FBXL7: variants seen among roughly 807,000 people sequenced by gnomAD.
The protein encoded by FBXL7 is F-box and leucine rich repeat protein 7, also known as F-box/LRR-repeat protein 7.
FBXL7 carries 12 observed loss-of-function variants against 38.3 expected under a neutral mutation model. That is an observed-to-expected ratio of 0.31 (90% CI 0.20 to 0.51). The LOEUF is 0.51. Ranked by LOEUF, FBXL7 falls within the 20% of genes least tolerant of loss-of-function variation. FBXL7 has a pLI of 0.98. For synonymous variants in FBXL7, 297 were observed against 300.9 expected (o/e 0.99, Z 0.13); for missense variants, 567 against 676.4 (o/e 0.84, Z 1.79).
At chr5:15,712,468 T>C (rs570154495) in intron 2 of FBXL7, among the ~76,000 whole-genome samples, 2 of 152,184 alleles carry the variant, frequency 1.3e-5, no homozygotes, top group South Asian at 4.1e-4. Flanking sequence ...GAAGTAGCCC[T>C]AAAAACCTGG....
At chr5:15,789,601 G>C (rs1737221663) in intron 2 of FBXL7, among the ~76,000 whole-genome samples, 1 of 152,166 alleles carries the variant, frequency 6.6e-6, no homozygotes, top group Admixed American at 6.5e-5. Flanking sequence ...ACTCTACCTT[G>C]AGATCACAGC....
chr5:15,727,754 A>G (rs1370350044), intron 2 of FBXL7, among the ~76,000 whole-genome samples: 3 of 152,102 alleles, frequency 2.0e-5, no homozygotes, highest in Admixed American at 6.5e-5. Context: ...ATTTATATTC[A>G]TGTCTTTCAT....
intron 2 of FBXL7, among the ~76,000 whole-genome samples, chr5:15,785,068 TTCTG>T (rs1361837765): frequency 1.3e-5 from 2 of 152,200 alleles, no homozygotes; most frequent in South Asian, 2.1e-4. Context: ...TGAGCCAAAC[TTCTG>T]TCTAACTAGC....
intron 2 of FBXL7, among the ~76,000 whole-genome samples, chr5:15,667,458 T>A (rs907203135): frequency 6.6e-6 from 1 of 152,218 alleles, no homozygotes; most frequent in Non-Finnish European, 1.5e-5. Flanking sequence ...AGGAATACTA[T>A]GCTTGATAAA....
At chr5:15,875,063 G>T (rs1243921185) in intron 2 of FBXL7, among the ~76,000 whole-genome samples, 2 of 152,058 alleles carry the variant, frequency 1.3e-5, no homozygotes, top group African/African-American at 4.8e-5. Flanking sequence ...TACCAAAACA[G>T]ATATATAGAC....
intron 2 of FBXL7, among the ~76,000 whole-genome samples, chr5:15,775,706 A>T (rs1288748193): frequency 6.6e-6 from 1 of 152,178 alleles, no homozygotes; most frequent in Non-Finnish European, 1.5e-5. Context: ...ATGAGGCATG[A>T]GAATGGAATA....
intron 1 of FBXL7, among the ~76,000 whole-genome samples, chr5:15,589,265 T>C (rs564396147): frequency 1.3e-5 from 2 of 152,292 alleles, no homozygotes; most frequent in Admixed American, 6.5e-5. Context: ...CCAAATCTCA[T>C]GTTGATTTGT....
intron 2 of FBXL7, among the ~76,000 whole-genome samples, chr5:15,736,262 CTTAG>C (rs1276708941): frequency 6.6e-6 from 1 of 152,132 alleles, no homozygotes; most frequent in African/African-American, 2.4e-5. Context: ...ACCTTTACAA[CTTAG>C]TTAATTAAAT....
At chr5:15,544,126 G>A (rs770327095) in intron 1 of FBXL7, among the ~76,000 whole-genome samples, 40 of 152,346 alleles carry the variant, frequency 2.6e-4, no homozygotes, top group Middle Eastern at 3.4e-3. Context: ...ACACATTGCC[G>A]ATGGGGTAGC....
chr5:15,724,904 C>A lies in FBXL7; in HGVS notation c.127+108832C>A, dbSNP rs181584141. On this transcript the variant is annotated intron_variant, in intron 2 of 3. Transcript: ENST00000504595. ...GGTCATACAGGCTCTGTAGCGATTA[C>A]TGTGTTGAGTATTGTGACAGCAGCC... is the stretch of plus-strand genomic sequence containing the variant. Among the ~76,000 whole-genome samples, 3 of 152,236 alleles carry A rather than the reference C, an allele frequency of 2.0e-5. No individual in the cohort carries two copies. In the East Asian group the frequency reaches 5.8e-4, roughly 29 times the overall value.
At chr5:15,848,916 G>C (rs1739010373) in intron 2 of FBXL7, among the ~76,000 whole-genome samples, 1 of 152,206 alleles carries the variant, frequency 6.6e-6, no homozygotes, top group Non-Finnish European at 1.5e-5. Context: ...CAAAGCCCGA[G>C]TGAATGTTTT....
intron 1 of FBXL7, among the ~76,000 whole-genome samples, chr5:15,583,327 G>A (rs1226603185): frequency 1.3e-5 from 2 of 152,126 alleles, no homozygotes; most frequent in East Asian, 3.9e-4. Flanking sequence ...TCTGCTCCTG[G>A]CCCCTCCCAA....
At chr5:15,736,423 T>G (rs1351903671) in intron 2 of FBXL7, among the ~76,000 whole-genome samples, 6 of 152,200 alleles carry the variant, frequency 3.9e-5, no homozygotes, top group Non-Finnish European at 8.8e-5. Context: ...ATGGTGGCCC[T>G]TAAGTTCTCA....
chr5:15,846,783 T>C (rs1380671266), intron 2 of FBXL7, among the ~76,000 whole-genome samples: 1 of 152,244 alleles, frequency 6.6e-6, no homozygotes, highest in Non-Finnish European at 1.5e-5. Context: ...GGTTGTCATC[T>C]GTTATATACA....
intron 2 of FBXL7, among the ~76,000 whole-genome samples, chr5:15,879,059 T>A (rs1006399176): frequency 6.6e-6 from 1 of 152,180 alleles, no homozygotes; most frequent in East Asian, 1.9e-4. Flanking sequence ...GGGTAACAAT[T>A]TCACTTGTTT....
chr5:15,535,354 G>T (rs756128162), intron 1 of FBXL7, among the ~76,000 whole-genome samples: 82 of 152,242 alleles, frequency 5.4e-4, no homozygotes, highest in South Asian at 6.2e-4. Context: ...CTCAGAAGAA[G>T]ACAGGAACGT....
chr5:15,745,252 ATGAG>A (rs1229811945), intron 2 of FBXL7, among the ~76,000 whole-genome samples: 1 of 152,174 alleles, frequency 6.6e-6, no homozygotes. Flanking sequence ...AAATGAATGA[ATGAG>A]TGATAATCCT....
chr5:15,620,918 A>G (rs924822872), intron 2 of FBXL7, among the ~76,000 whole-genome samples: 4 of 152,116 alleles, frequency 2.6e-5, no homozygotes, highest in Admixed American at 1.3e-4. Context: ...CTAGCACCCA[A>G]CCCTAATGGT....
intron 2 of FBXL7, among the ~76,000 whole-genome samples, chr5:15,657,200 T>G (rs1181813239): frequency 6.6e-6 from 1 of 152,150 alleles, no homozygotes; most frequent in East Asian, 1.9e-4. Flanking sequence ...AATTTAAGTC[T>G]TTTTTTCTTT....
Sources: allele counts gnomAD v4.1 joint callset (sites outside exome capture counted in the v4.1 genomes callset), GRCh38; gene constraint gnomAD v4.1.1; transcripts MANE v1.5; gene names NCBI Gene and HGNC (gene_info 2026-07-23, HGNC 2026-07-21).